The following SNTG2 variants were observed in gnomAD, a reference collection of about 807,000 sequenced individuals.
The protein encoded by SNTG2 is syntrophin gamma 2.
SNTG2 carries 74 observed loss-of-function variants against 70.9 expected under a neutral mutation model. The ratio of observed to expected loss-of-function variants is 1.04; its 90% CI spans 0.86 to 1.27. SNTG2 has a LOEUF of 1.27. Ranked by LOEUF, SNTG2 falls within the 50% of genes most tolerant of loss-of-function variation. The pLI is 0.00. For missense variants in SNTG2, 717 were observed against 690.7 expected, an observed-to-expected ratio of 1.04 and a Z score of -0.43; for synonymous variants, 278 against 273.8, an observed-to-expected ratio of 1.02 and a Z score of -0.15.
chr2:1,198,718 C>T (rs776992753), intron 8 of SNTG2, among the ~76,000 whole-genome samples: 2 of 151,700 alleles, frequency 1.3e-5, no homozygotes, highest in African/African-American at 2.4e-5. Flanking sequence ...AGCAGAAATT[C>T]CAAAGATATA....
chr2:1,244,618 C>T (rs375070494), intron 11 of SNTG2, among the ~76,000 whole-genome samples: 5 of 147,764 alleles, frequency 3.4e-5, no homozygotes, highest in South Asian at 4.4e-4. Flanking sequence ...ATGGCGTGAA[C>T]CTGGGAGGCA....
intron 1 of SNTG2, among the ~76,000 whole-genome samples, chr2:1,012,906 G>GTA (rs1307452476): frequency 2.6e-4 from 14 of 54,896 alleles, no homozygotes; most frequent in African/African-American, 7.0e-4. Context: ...AGGGTGGTCT[G>GTA]GAGAAGGATT....
chr2:1,216,867 CGAGT>C lies in SNTG2; in HGVS notation c.719+7640_719+7643del, dbSNP rs1674429034. Among the ~76,000 whole-genome samples, 6 of 151,892 alleles carry C rather than the reference CGAGT, an allele frequency of 4.0e-5. No homozygotes were observed. In the South Asian group the frequency reaches 1.2e-3, roughly 31 times the overall value. ...TTCCCCCATGTTGTTCTCATGATAG[CGAGT>C]GAATTCTCATCAGATCTGATGGTTT... On this transcript the variant is annotated intron_variant, in intron 9 of 16. Coordinates refer to ENST00000308624, the MANE Select transcript of SNTG2 (RefSeq NM_018968.4).
At chr2:1,357,597 A>T (rs1660920527) in intron 16 of SNTG2, among the ~76,000 whole-genome samples, 1 of 151,942 alleles carries the variant, frequency 6.6e-6, no homozygotes. Flanking sequence ...ATTGATGTTA[A>T]TTTTTCTTTA....
At chr2:1,180,339 A>C in intron 8 of SNTG2, among the ~76,000 whole-genome samples, 1 of 135,620 alleles carries the variant, frequency 7.4e-6, no homozygotes, top group African/African-American at 2.6e-5. Context: ...GCTAATATCC[A>C]GAATCTACAA....
intron 12 of SNTG2, among the ~76,000 whole-genome samples, chr2:1,254,452 A>G (rs1255102772): frequency 6.6e-6 from 1 of 152,264 alleles, no homozygotes; most frequent in Non-Finnish European, 1.5e-5. Context: ...AGTCAATTTT[A>G]CAGAATTGTA....
At chr2:1,223,703 G>T (rs1328274265) in intron 9 of SNTG2, among the ~76,000 whole-genome samples, 4 of 152,250 alleles carry the variant, frequency 2.6e-5, no homozygotes, top group African/African-American at 9.6e-5. Flanking sequence ...GGCGTGTCTG[G>T]TGGAAAGAGT....
At chr2:972,385 C>A (rs921252392) in intron 1 of SNTG2, among the ~76,000 whole-genome samples, 7 of 152,114 alleles carry the variant, frequency 4.6e-5, no homozygotes, top group African/African-American at 1.7e-4. Context: ...TGTATGAGGT[C>A]CTTCTTTGTC....
rs12623248 is a variant in SNTG2 at position 1,100,424 on chromosome 2, C to T, written c.325+2014C>T. 4.1e-4 allele frequency among the ~76,000 whole-genome samples: 63 copies of T among 152,304 alleles called. No individual in the cohort carries two copies. In the East Asian group the frequency reaches 9.7e-3, roughly 23 times the overall value. On this transcript the variant is annotated intron_variant, in intron 4 of 16. Transcript: ENST00000308624. ...CCTCCCAAAGTGCTGGGATTACAGG[C>T]GTGAGCCACCGCACCCAGCCTCTTT...
chr2:1,217,732 C>A (rs1456794405), intron 9 of SNTG2, among the ~76,000 whole-genome samples: 3 of 152,102 alleles, frequency 2.0e-5, no homozygotes, highest in Non-Finnish European at 4.4e-5. Flanking sequence ...GTCTGTTATG[C>A]AGACATTTCT....
intron 8 of SNTG2, among the ~76,000 whole-genome samples, chr2:1,176,683 A>G (rs979130457): frequency 6.6e-6 from 1 of 152,070 alleles, no homozygotes; most frequent in Non-Finnish European, 1.5e-5. Context: ...GGCAAAGGAC[A>G]CGAACAGATA....
chr2:969,027 G>A (rs998709974), intron 1 of SNTG2, among the ~76,000 whole-genome samples: 3 of 152,046 alleles, frequency 2.0e-5, no homozygotes, highest in Non-Finnish European at 2.9e-5. Flanking sequence ...AATGCATTTC[G>A]AGTTGATTTT....
rs1441617352 is a variant in SNTG2 at position 950,872 on chromosome 2, G to C, written c.-125G>C. ...CCAGCCCTGCGCCCCGGTGGAGCCC[G>C]AGCCGGAGCCGGCAGAGGGGCGCGG... is the stretch of plus-strand genomic sequence containing the variant. On this transcript the variant is annotated 5_prime_UTR_variant, in exon 1 of 17. Transcript: ENST00000308624. 2.2e-5 allele frequency: 7 copies of C among 317,002 alleles called. No individual in the cohort carries two copies. The highest frequency in any genetic ancestry group is 2.8e-4 in the South Asian group (2 of 7,230). 19.6% of individuals were successfully genotyped at this position (317,002 alleles called of 1,614,324 possible). A position where few individuals can be genotyped will look rare whatever the true frequency, so the allele number is the denominator to read the frequency against.
intron 6 of SNTG2, among the ~76,000 whole-genome samples, chr2:1,152,949 C>T (rs1428272274): frequency 6.6e-6 from 1 of 152,080 alleles, no homozygotes; most frequent in Non-Finnish European, 1.5e-5. Flanking sequence ...CATGGCAAAA[C>T]CCTGTCTCTA....
chr2:1,261,268 T>C (rs937707690), intron 13 of SNTG2, among the ~76,000 whole-genome samples: 4 of 152,220 alleles, frequency 2.6e-5, no homozygotes, highest in African/African-American at 9.6e-5. Flanking sequence ...AATTTAAAAG[T>C]AAATGCATTC....
At chr2:1,220,625 A>C (rs1466690699) in intron 9 of SNTG2, among the ~76,000 whole-genome samples, 11 of 152,178 alleles carry the variant, frequency 7.2e-5, no homozygotes, top group Non-Finnish European at 4.4e-5. Context: ...AATTTTCTGA[A>C]AACTTTCTTT....
intron 6 of SNTG2, among the ~76,000 whole-genome samples, chr2:1,154,084 T>G (rs1458151601): frequency 3.9e-5 from 6 of 151,968 alleles, no homozygotes; most frequent in African/African-American, 1.5e-4. Context: ...CCTTAGCAGA[T>G]GCAAAGTGTC....
At chr2:1,143,281 T>C (rs28541331) in intron 6 of SNTG2, among the ~76,000 whole-genome samples, 56,618 of 151,728 alleles carry the variant, frequency 0.37, 11,398 homozygotes, top group East Asian at 0.83. Context: ...TCTGTAGTTA[T>C]AAGAAATAAG....
chr2:975,451 A>T (rs1660879310), intron 1 of SNTG2, among the ~76,000 whole-genome samples: 1 of 152,256 alleles, frequency 6.6e-6, no homozygotes, highest in African/African-American at 2.4e-5. Context: ...GCAAACAGCA[A>T]CAGTTCCCCT....
Sources: allele counts gnomAD v4.1 joint callset (sites outside exome capture counted in the v4.1 genomes callset), GRCh38; gene constraint gnomAD v4.1.1; transcripts MANE v1.5; gene names NCBI Gene and HGNC (gene_info 2026-07-23, HGNC 2026-07-21).